Variants in FRMD4A observed in about 807,000 individuals in gnomAD.
The protein encoded by FRMD4A is FERM domain containing 4A.
FRMD4A carries 29 observed loss-of-function variants against 129.1 expected under a neutral mutation model. The observed-to-expected ratio is 0.22, with a 90% CI of 0.17 to 0.31. The LOEUF is 0.31. Among genes scored for constraint, FRMD4A ranks in the 10% least tolerant of loss-of-function variants. FRMD4A has a pLI of 1.00. For synonymous variants in FRMD4A, 634 were observed against 571.6 expected (o/e 1.11, Z -1.56); for missense variants, 1,272 against 1,375.8 (o/e 0.92, Z 1.19).
At chr10:13,827,456 T>G (rs1417359879) in intron 3 of FRMD4A, among the ~76,000 whole-genome samples, 1 of 152,222 alleles carries the variant, frequency 6.6e-6, no homozygotes, top group African/African-American at 2.4e-5. Flanking sequence ...GAATTTGGCC[T>G]GAAATTTTGG....
chr10:13,834,373 G>A (rs1439943569), intron 3 of FRMD4A, among the ~76,000 whole-genome samples: 1 of 152,066 alleles, frequency 6.6e-6, no homozygotes. Context: ...GTTCTCCTAA[G>A]AAACCGGTCT....
chr10:14,137,040 T>C (rs906435633), intron 2 of FRMD4A, among the ~76,000 whole-genome samples: 17 of 152,244 alleles, frequency 1.1e-4, no homozygotes, highest in Admixed American at 7.2e-4. Flanking sequence ...GTTTGCTGAT[T>C]ATTCCCATTC....
chr10:13,982,459 A>AGAAGG (rs1237582859), intron 2 of FRMD4A, among the ~76,000 whole-genome samples: 20 of 103,654 alleles, frequency 1.9e-4, no homozygotes, highest in Admixed American at 1.9e-3. Context: ...CTTCAGCCTG[A>AGAAGG]GAAGGGAAGG....
At chr10:14,100,086 T>C (rs1408766838) in intron 2 of FRMD4A, among the ~76,000 whole-genome samples, 1 of 152,256 alleles carries the variant, frequency 6.6e-6, no homozygotes, top group East Asian at 1.9e-4. Flanking sequence ...CTCCTTGTTT[T>C]GCAGTCAGCT....
intron 2 of FRMD4A, among the ~76,000 whole-genome samples, chr10:13,969,987 A>T (rs1268200261): frequency 1.3e-5 from 2 of 152,194 alleles, no homozygotes; most frequent in Non-Finnish European, 2.9e-5. Flanking sequence ...CAGCTTGGGG[A>T]CTTTTGACTC....
chr10:13,780,259 G>A (rs937079140), intron 6 of FRMD4A, among the ~76,000 whole-genome samples: 1 of 151,812 alleles, frequency 6.6e-6, no homozygotes, highest in Non-Finnish European at 1.5e-5. Flanking sequence ...CCTGGGAGGC[G>A]GAGGCTGCAG....
At chr10:14,117,743 T>C (rs1409748) in intron 2 of FRMD4A, among the ~76,000 whole-genome samples, 1 of 152,104 alleles carries the variant, frequency 6.6e-6, no homozygotes, top group African/African-American at 2.4e-5. Flanking sequence ...ATATTTCTTG[T>C]GTACCTGTCA....
intron 2 of FRMD4A, among the ~76,000 whole-genome samples, chr10:13,931,827 T>C (rs1414486754): frequency 1.3e-5 from 2 of 148,482 alleles, no homozygotes; most frequent in East Asian, 2.0e-4. Flanking sequence ...TGTGTGCCTA[T>C]AATCCCAGGT....
At chr10:13,858,953 G>T in intron 2 of FRMD4A, 41 bp from the exon 3 acceptor site, 1 of 1,246,712 alleles carries the variant, frequency 8.0e-7, no homozygotes, top group Non-Finnish European at 1.2e-6. Context: ...GAGTCTAGCA[G>T]CCAGACAAAG....
chr10:13,887,257 C>T lies in FRMD4A; in HGVS notation c.46-28345G>A, dbSNP rs112276252. Among the ~76,000 whole-genome samples the T allele has an allele frequency of 2.1e-3, 318 of 152,296 alleles. 3 individuals carry two copies. Among genetic ancestry groups the T allele is most frequent in the African/African-American group, 7.2e-3 (301 of 41,540 alleles). ...TAGTAATAAGGCCCCTGAACTGAAC[C>T]GGATCCCCCATAGTCCTCTATTACT... is the stretch of plus-strand genomic sequence containing the variant. On this transcript the variant is annotated intron_variant, in intron 2 of 24. Coordinates refer to ENST00000357447, the MANE Select transcript of FRMD4A (RefSeq NM_018027.5).
chr10:14,242,424 T>G (rs1194492499), intron 2 of FRMD4A, among the ~76,000 whole-genome samples: 4 of 152,270 alleles, frequency 2.6e-5, no homozygotes, highest in Non-Finnish European at 5.9e-5. Flanking sequence ...TGCAGATATT[T>G]CTTACACGTC....
At chr10:13,912,128 T>G (rs2094947016) in intron 2 of FRMD4A, among the ~76,000 whole-genome samples, 1 of 152,254 alleles carries the variant, frequency 6.6e-6, no homozygotes, top group Admixed American at 6.5e-5. Context: ...AGTAAATATT[T>G]TAACTTTGAC....
At chr10:13,942,716 C>T (rs536939126) in intron 2 of FRMD4A, among the ~76,000 whole-genome samples, 90 of 152,096 alleles carry the variant, frequency 5.9e-4, no homozygotes, top group Non-Finnish European at 1.0e-3. Context: ...TGGCAGATCA[C>T]GAGGTCAAGA....
chr10:14,012,875 C>G (rs1182714651), intron 2 of FRMD4A, among the ~76,000 whole-genome samples: 1 of 152,196 alleles, frequency 6.6e-6, no homozygotes, highest in Non-Finnish European at 1.5e-5. Context: ...AGAACTGCCA[C>G]TTGCTGGCAC....
chr10:14,048,693 C>G (rs1588866850), intron 2 of FRMD4A, among the ~76,000 whole-genome samples: 1 of 152,080 alleles, frequency 6.6e-6, no homozygotes, highest in African/African-American at 2.4e-5. Flanking sequence ...GTAGTCCCAG[C>G]TACTTGGGAG....
intron 15 of FRMD4A, among the ~76,000 whole-genome samples, chr10:13,691,267 C>T (rs529200953): frequency 8.4e-4 from 128 of 152,324 alleles, no homozygotes; most frequent in African/African-American, 2.8e-3. Flanking sequence ...GGATTACAGG[C>T]GTGAGCCACT....
chr10:14,166,468 C>A (rs1841181813), intron 2 of FRMD4A, among the ~76,000 whole-genome samples: 1 of 152,146 alleles, frequency 6.6e-6, no homozygotes, highest in Admixed American at 6.5e-5. Flanking sequence ...AAAGTCAGCA[C>A]AGCTTTGTTT....
At chr10:14,223,271 C>A (rs1843322699) in intron 2 of FRMD4A, among the ~76,000 whole-genome samples, 1 of 152,186 alleles carries the variant, frequency 6.6e-6, no homozygotes, top group Admixed American at 6.5e-5. Context: ...TCCATTGGGA[C>A]CAGGAATGCC....
chr10:13,816,903 C>T (rs1206191285), intron 3 of FRMD4A, among the ~76,000 whole-genome samples: 2 of 152,242 alleles, frequency 1.3e-5, no homozygotes, highest in African/African-American at 4.8e-5. Context: ...CAGAATTAGC[C>T]TCTTGTGGGC....
Sources: gnomAD v4.1 joint callset for allele counts (sites outside exome capture counted in the v4.1 genomes callset) on GRCh38, gnomAD v4.1.1 for gene constraint, MANE v1.5 for transcripts, NCBI Gene and HGNC (gene_info 2026-07-23, HGNC 2026-07-21) for gene names.